SRBD1: variants seen among roughly 807,000 people sequenced by gnomAD.
The protein encoded by SRBD1 is S1 RNA-binding domain-containing protein 1.
SRBD1 carries 88 observed loss-of-function variants against 115.3 expected under a neutral mutation model. That is an observed-to-expected ratio of 0.76 (90% CI 0.64 to 0.91). The LOEUF is 0.91. Among genes scored for constraint, SRBD1 ranks in the 40% least tolerant of loss-of-function variants. The pLI is 0.00. For missense variants in SRBD1, 1,385 were observed against 1,177.4 expected (o/e 1.18, Z -2.58); for synonymous variants, 509 against 407.7 (o/e 1.25, Z -2.99).
intron 9 of SRBD1, among the ~76,000 whole-genome samples, chr2:45,566,111 G>A (rs970626437): frequency 6.6e-6 from 1 of 152,216 alleles, no homozygotes; most frequent in African/African-American, 2.4e-5. Flanking sequence ...AACCGCTGGT[G>A]AGAATGTAAA....
chr2:45,513,924 G>A (rs1572720851), intron 14 of SRBD1, among the ~76,000 whole-genome samples: 1 of 152,108 alleles, frequency 6.6e-6, no homozygotes, highest in Non-Finnish European at 1.5e-5. Context: ...CAATGGAGAG[G>A]TGGAAAGGCT....
At chr2:45,530,725 T>G (rs1217063361) in intron 14 of SRBD1, among the ~76,000 whole-genome samples, 1 of 152,002 alleles carries the variant, frequency 6.6e-6, no homozygotes, top group African/African-American at 2.4e-5. Context: ...GTTCCTAGTA[T>G]CAGTCTCTAA....
chr2:45,598,038 G>T (rs1673960036), intron 4 of SRBD1, among the ~76,000 whole-genome samples: 1 of 152,214 alleles, frequency 6.6e-6, no homozygotes, highest in African/African-American at 2.4e-5. Flanking sequence ...GAGAAGGGAA[G>T]TGGTACATGT....
chr2:45,524,615 C>CT (rs1331107713), intron 14 of SRBD1, among the ~76,000 whole-genome samples: 1 of 151,914 alleles, frequency 6.6e-6, no homozygotes, highest in Non-Finnish European at 1.5e-5. Context: ...ACTCTGAAAG[C>CT]TACAGAACAT....
intron 16 of SRBD1, among the ~76,000 whole-genome samples, chr2:45,469,367 T>C (rs1033640970): frequency 3.9e-5 from 6 of 152,188 alleles, no homozygotes; most frequent in African/African-American, 1.4e-4. Context: ...AAGGTGAACT[T>C]GAAACTGAAA....
chr2:45,468,677 C>T (rs1188888334), intron 16 of SRBD1, among the ~76,000 whole-genome samples: 13 of 152,116 alleles, frequency 8.5e-5, no homozygotes, highest in East Asian at 3.9e-4. Flanking sequence ...TGTGAGCCAC[C>T]GTGCCCAGTC....
intron 14 of SRBD1, among the ~76,000 whole-genome samples, chr2:45,541,086 G>C (rs1413783795): frequency 6.6e-6 from 1 of 152,242 alleles, no homozygotes; most frequent in Non-Finnish European, 1.5e-5. Flanking sequence ...GGGTGAGCCA[G>C]GCGTAGTGCG....
intron 14 of SRBD1, among the ~76,000 whole-genome samples, chr2:45,538,451 G>C (rs138572390): frequency 1.3e-5 from 2 of 152,324 alleles, no homozygotes; most frequent in Non-Finnish European, 2.9e-5. Context: ...AAACTAACCT[G>C]CAAATCCCGA....
At chr2:45,470,073 G>C (rs571867664) in intron 16 of SRBD1, among the ~76,000 whole-genome samples, 1 of 152,270 alleles carries the variant, frequency 6.6e-6, no homozygotes, top group Non-Finnish European at 1.5e-5. Flanking sequence ...ACTCTTTTCT[G>C]TATCCCACTT....
intron 14 of SRBD1, among the ~76,000 whole-genome samples, chr2:45,498,737 C>T (rs574641199): frequency 2.0e-5 from 3 of 152,178 alleles, no homozygotes; most frequent in Non-Finnish European, 4.4e-5. Context: ...TGAGTGAGAA[C>T]ATGCAATATT....
rs1436765148 is a variant in SRBD1, at chr2:45,389,615, A to C, written c.2699-16T>G. The C allele has an allele frequency of 5.0e-6, 8 of 1,607,646 alleles. No homozygotes were observed. The highest frequency in any genetic ancestry group is 6.8e-6 in the Non-Finnish European group (8 of 1,177,246). ...TTATCAAAATCTGTAAGAGAAAAAA[A>C]GTAAGTGTAAATAAGGCATTGTACT... is the stretch of plus-strand genomic sequence containing the variant. On this transcript the variant is annotated splice_polypyrimidine_tract_variant and intron_variant, in intron 20 of 20. Transcript: ENST00000263736.
At chr2:45,509,334 C>T (rs568380476) in intron 14 of SRBD1, among the ~76,000 whole-genome samples, 3 of 151,874 alleles carry the variant, frequency 2.0e-5, no homozygotes, top group African/African-American at 4.8e-5. Context: ...TGGTGGCTCA[C>T]GCCTGTAATC....
intron 20 of SRBD1, among the ~76,000 whole-genome samples, 190 bp from the exon 21 acceptor site, chr2:45,389,789 T>C (rs1235997948): frequency 1.3e-5 from 2 of 152,214 alleles, no homozygotes; most frequent in African/African-American, 2.4e-5. Context: ...ACAGCATTCA[T>C]GCAGTAGAAA....
At chr2:45,443,844 T>G (rs897314837) in intron 16 of SRBD1, among the ~76,000 whole-genome samples, 1 of 151,142 alleles carries the variant, frequency 6.6e-6, no homozygotes, top group Non-Finnish European at 1.5e-5. Context: ...TACCCACTAG[T>G]TTTACAAAGA....
intron 7 of SRBD1, among the ~76,000 whole-genome samples, chr2:45,577,481 T>C (rs1407992374): frequency 6.6e-6 from 1 of 152,198 alleles, no homozygotes; most frequent in African/African-American, 2.4e-5. Flanking sequence ...AACATTTCTT[T>C]TCACTTTCTC....
chr2:45,500,220 A>T (rs1460562346), intron 14 of SRBD1, among the ~76,000 whole-genome samples: 2 of 121,268 alleles, frequency 1.6e-5, no homozygotes, highest in East Asian at 4.3e-4. Context: ...TCTTTGATTA[A>T]ATTTATCCTG....
At chr2:45,408,325 G>C (rs1344271731) in intron 19 of SRBD1, among the ~76,000 whole-genome samples, 2 of 152,166 alleles carry the variant, frequency 1.3e-5, no homozygotes, top group African/African-American at 4.8e-5. Context: ...AATGGGGATG[G>C]TAAGATAAAT....
At chr2:45,536,653 G>C (rs1309731361) in intron 14 of SRBD1, among the ~76,000 whole-genome samples, 4 of 152,072 alleles carry the variant, frequency 2.6e-5, no homozygotes, top group African/African-American at 9.7e-5. Flanking sequence ...TTTTTTCCAA[G>C]GAATATGGTA....
intron 3 of SRBD1, among the ~76,000 whole-genome samples, chr2:45,600,247 TG>T (rs1674051252): frequency 6.6e-6 from 1 of 152,250 alleles, no homozygotes; most frequent in South Asian, 2.1e-4. Flanking sequence ...ATAAGATCAG[TG>T]GATTTTATCA....
Sources: gnomAD v4.1 joint callset for allele counts (sites outside exome capture counted in the v4.1 genomes callset) on GRCh38, gnomAD v4.1.1 for gene constraint, MANE v1.5 for transcripts, NCBI Gene and HGNC (gene_info 2026-07-23, HGNC 2026-07-21) for gene names.